Variants in PDZD2 observed in about 807,000 individuals in gnomAD.
The protein encoded by PDZD2 is PDZ domain containing 2.
A neutral mutation model predicts 220.7 loss-of-function variants in PDZD2; 90 were observed. The observed-to-expected ratio is 0.41, with a 90% CI of 0.34 to 0.49. The LOEUF is 0.49. PDZD2 is among the 20% of genes least tolerant of loss of function. PDZD2 has a pLI of 0.28. For missense variants in PDZD2, 3,174 were observed against 3,608.5 expected, an observed-to-expected ratio of 0.88 and a Z score of 3.08; for synonymous variants, 1,375 against 1,450.5, an observed-to-expected ratio of 0.95 and a Z score of 1.18.
intron 2 of PDZD2, among the ~76,000 whole-genome samples, chr5:31,974,200 C>T (rs1460924223): frequency 6.6e-6 from 1 of 152,130 alleles, no homozygotes; most frequent in African/African-American, 2.4e-5. Context: ...GGGCTGGTCT[C>T]TAACTCCCGA....
At chr5:31,950,513 T>C (rs1747091411) in intron 2 of PDZD2, among the ~76,000 whole-genome samples, 1 of 152,226 alleles carries the variant, frequency 6.6e-6, no homozygotes, top group Non-Finnish European at 1.5e-5. Context: ...TTTTTATTAT[T>C]ATTAAGTCAG....
intron 2 of PDZD2, among the ~76,000 whole-genome samples, chr5:31,812,596 G>A (rs952836463): frequency 5.9e-5 from 9 of 152,146 alleles, no homozygotes; most frequent in African/African-American, 2.2e-4. Context: ...GAACCATGGT[G>A]CCTGGCCTGT....
chr5:32,049,438 G>A (rs751553585), intron 8 of PDZD2, among the ~76,000 whole-genome samples: 5 of 152,186 alleles, frequency 3.3e-5, no homozygotes, highest in Non-Finnish European at 5.9e-5. Context: ...GAGGACGGGC[G>A]TGGCAGCAAC....
chr5:32,008,136 A>AAAAT (rs141877198), intron 5 of PDZD2, among the ~76,000 whole-genome samples: 76,042 of 143,656 alleles, frequency 0.53, 21,790 homozygotes, highest in Non-Finnish European at 0.66. Context: ...TAAAATAATA[A>AAAAT]AAATAAATAA....
intron 2 of PDZD2, among the ~76,000 whole-genome samples, chr5:31,868,783 T>C (rs1738468621): frequency 6.6e-6 from 1 of 152,166 alleles, no homozygotes; most frequent in African/African-American, 2.4e-5. Flanking sequence ...TTTTTTTGTT[T>C]GTTTTTGAGA....
At chr5:31,752,373 A>AT (rs905940819) in intron 1 of PDZD2, among the ~76,000 whole-genome samples, 4 of 151,840 alleles carry the variant, frequency 2.6e-5, no homozygotes, top group Admixed American at 2.6e-4. Flanking sequence ...ACATGGTGAA[A>AT]TCCCATCTCT....
chr5:31,821,232 T>TTTTAAATTTATCTTTAAAA (rs1404734379), intron 2 of PDZD2, among the ~76,000 whole-genome samples: 1 of 152,084 alleles, frequency 6.6e-6, no homozygotes, highest in Non-Finnish European at 1.5e-5. Flanking sequence ...GTGATTACAT[T>TTTTAAATTTATCTTTAAAA]TTTAAATTTA....
chr5:31,755,727 C>A (rs1751270590), intron 1 of PDZD2, among the ~76,000 whole-genome samples: 2 of 151,434 alleles, frequency 1.3e-5, no homozygotes, highest in Admixed American at 1.3e-4. Context: ...CCCCTCTTTT[C>A]CTGAAACAAA....
Position 32,082,130 on chromosome 5 carries a change from T to C in PDZD2, c.3682+4524T>C, listed in dbSNP as rs1326949529. On this transcript the variant is annotated intron_variant, in intron 19 of 24. Coordinates refer to ENST00000438447, the MANE Select transcript of PDZD2 (RefSeq NM_178140.4). The stretch of plus-strand genomic sequence containing the variant: ...TCTGCCTCCAGAGTTGAAGCAATTC[T>C]CCTGCCTCAGCCTCCTGAGTAGCTT... Among the ~76,000 whole-genome samples, 4 of 151,394 alleles carry C rather than the reference T, an allele frequency of 2.6e-5. No individual in the cohort carries two copies. In the East Asian group the frequency reaches 7.8e-4, roughly 29 times the overall value.
Position 31,915,088 on chromosome 5 carries a change from C to T in PDZD2, c.477-68067C>T, listed in dbSNP as rs116188559. ...GCTGTAGGGGGTCTTCATTGGATAC[C>T]GTTACTTTCTAAACAGAGTATGTTG... On this transcript the variant is annotated intron_variant, in intron 2 of 24. Coordinates refer to ENST00000438447, the MANE Select transcript of PDZD2 (RefSeq NM_178140.4). Among the ~76,000 whole-genome samples the T allele has an allele frequency of 4.9e-3, 746 of 152,184 alleles. 6 individuals carry two copies. Among genetic ancestry groups the T allele is most frequent in the African/African-American group, 0.016 (670 of 41,502 alleles).
intron 1 of PDZD2, among the ~76,000 whole-genome samples, chr5:31,643,498 G>A (rs896201770): frequency 8.5e-5 from 13 of 152,138 alleles, no homozygotes; most frequent in Admixed American, 6.6e-4. Context: ...CTCACACTCG[G>A]TAACACCTGC....
At chr5:31,750,141 G>A (rs1297723816) in intron 1 of PDZD2, among the ~76,000 whole-genome samples, 1 of 152,134 alleles carries the variant, frequency 6.6e-6, no homozygotes, top group Non-Finnish European at 1.5e-5. Flanking sequence ...TGACTTTAGG[G>A]TCACATGGGC....
rs374063919 is a variant in PDZD2, at chr5:31,776,286, C to T, written c.-360-22603C>T. ...CTCTGAAATTGTCCAAGATGCCAGC[C>T]CCTTCCCCCACCATCCCATTGCCAC... On this transcript the variant is annotated intron_variant, in intron 1 of 24. Coordinates refer to ENST00000438447, the MANE Select transcript of PDZD2 (RefSeq NM_178140.4). Among the ~76,000 whole-genome samples, 35 of 152,128 alleles carry T rather than the reference C, an allele frequency of 2.3e-4. No individual in the cohort carries two copies. The Middle Eastern group carries it at 0.01, about 44-fold the overall frequency.
At chr5:31,865,228 G>C (rs1256041852) in intron 2 of PDZD2, among the ~76,000 whole-genome samples, 3 of 152,150 alleles carry the variant, frequency 2.0e-5, no homozygotes, top group African/African-American at 7.2e-5. Context: ...AAATGATTCA[G>C]CCTTCTCCCT....
intron 1 of PDZD2, among the ~76,000 whole-genome samples, chr5:31,667,616 G>A (rs558637455): frequency 3.2e-4 from 48 of 152,180 alleles, no homozygotes; most frequent in African/African-American, 1.1e-3. Context: ...AACAGCCAGT[G>A]CAAGGGCCCT....
Position 31,891,175 on chromosome 5 carries a change from C to T in PDZD2, c.476+91451C>T, listed in dbSNP as rs567455249. Among the ~76,000 whole-genome samples the T allele has an allele frequency of 3.9e-3, 533 of 136,312 alleles. 4 individuals are homozygous for T. Among genetic ancestry groups the T allele is most frequent in the African/African-American group, 0.014 (507 of 37,282 alleles). 89.4% of individuals were successfully genotyped at this position (136,312 alleles called of 152,430 possible). On this transcript the variant is annotated intron_variant, in intron 2 of 24. Transcript: ENST00000438447. The stretch of plus-strand genomic sequence containing the variant: ...TTTTTGAGACGGAGTCTCGCTCTGT[C>T]GCCCAGGCTGGAGTGCAATGGCGCG...
rs7724796 is a variant in PDZD2 at position 32,086,698 on chromosome 5, C to T, written c.3683-433C>T. Among the ~76,000 whole-genome samples, 1,247 of 149,588 alleles carry T rather than the reference C, an allele frequency of 8.3e-3. 19 individuals carry two copies. The highest frequency in any genetic ancestry group is 0.027 in the African/African-American group (1,118 of 41,298). ...TTGTTGTTGTTGTTGTTTTCTGAGACGGAGTTTCGCTCTTTTTGCCCAGGC... is the reference window on the plus strand; with the variant it reads ...TTGTTGTTGTTGTTGTTTTCTGAGATGGAGTTTCGCTCTTTTTGCCCAGGC... On this transcript the variant is annotated intron_variant, in intron 19 of 24. Coordinates refer to ENST00000438447, the MANE Select transcript of PDZD2 (RefSeq NM_178140.4).
rs1359323846 is a variant in PDZD2, at chr5:32,010,724, A to G, written c.1407+242A>G. 2.7e-5 allele frequency: 14 copies of G among 517,290 alleles called. No individual in the cohort carries two copies. The East Asian group carries it at 6.9e-4, about 25-fold the overall frequency. 32.0% of individuals were successfully genotyped at this position (517,290 alleles called of 1,614,324 possible). On this transcript the variant is annotated intron_variant, in intron 6 of 24. Transcript: ENST00000438447. The stretch of plus-strand genomic sequence containing the variant: ...ATAAGCAACCCAGGGGGCTGGGCAC[A>G]GTGGCTTACACCTGTAATGCCAGCA...
intron 1 of PDZD2, chr5:31,725,417 C>A: frequency 9.5e-6 from 10 of 1,052,936 alleles, no homozygotes; most frequent in East Asian, 3.5e-5. Context: ...ACAGGGAAAA[C>A]TAACAAGTGT....
Sources: gnomAD v4.1 joint callset for allele counts (sites outside exome capture counted in the v4.1 genomes callset) on GRCh38, gnomAD v4.1.1 for gene constraint, MANE v1.5 for transcripts, NCBI Gene and HGNC (gene_info 2026-07-23, HGNC 2026-07-21) for gene names.